Variants in PTPN14 observed in about 807,000 individuals in gnomAD.
The protein encoded by PTPN14 is protein tyrosine phosphatase non-receptor type 14, also known as tyrosine-protein phosphatase non-receptor type 14.
A neutral mutation model predicts 126.8 loss-of-function variants in PTPN14; 53 were observed. The observed-to-expected ratio is 0.42, with a 90% CI of 0.34 to 0.53. The LOEUF is 0.53. PTPN14 is among the 20% of genes least tolerant of loss of function. The pLI is 0.08. For synonymous variants in PTPN14, 630 were observed against 599.3 expected (o/e 1.05, Z -0.75); for missense variants, 1,257 against 1,552.9 (o/e 0.81, Z 3.20).
chr1:214,474,533 C>A (rs908893845), intron 1 of PTPN14, among the ~76,000 whole-genome samples: 1 of 152,168 alleles, frequency 6.6e-6, no homozygotes, highest in Admixed American at 6.5e-5. Context: ...GCATACAAAT[C>A]GGTGTCCAAA....
chr1:214,364,766 AGTGTGTGTGTGTGTGTGT>A lies in PTPN14; in HGVS notation c.3272-109_3272-92del, dbSNP rs57429060. The A allele has an allele frequency of 1.4e-5, 8 of 591,888 alleles. No individual in the cohort carries two copies. The highest frequency in any genetic ancestry group is 5.0e-4 in the Middle Eastern group (1 of 2,000). 36.7% of individuals were successfully genotyped at this position (591,888 alleles called of 1,614,324 possible). A position where few individuals can be genotyped will look rare whatever the true frequency, so the allele number is the denominator to read the frequency against. On this transcript the variant is annotated intron_variant, in intron 17 of 18. Transcript: ENST00000366956. The surrounding 1 kb of genome is among the most constrained non-coding windows in gnomAD (Gnocchi z 4.1). ...GGGGAGCGGAAGAGAACTGATGGTG[AGTGTGTGTGTGTGTGTGT>A]GTGTGTGTGTGTGTGTGTGTGTTTT...
chr1:214,368,421 A>G (rs932316911), intron 17 of PTPN14, among the ~76,000 whole-genome samples: 1 of 152,004 alleles, frequency 6.6e-6, no homozygotes, highest in Non-Finnish European at 1.5e-5. Flanking sequence ...CGCTGGTCTC[A>G]AACTCCTCAC....
intron 2 of PTPN14, among the ~76,000 whole-genome samples, chr1:214,454,113 T>C (rs1400582374): frequency 6.6e-6 from 1 of 152,210 alleles, no homozygotes; most frequent in Non-Finnish European, 1.5e-5. Context: ...CTCCATATAA[T>C]AAATTATGTA....
chr1:214,401,543 T>C, intron 7 of PTPN14, 142 bp downstream of exon 7: 1 of 688,792 alleles, frequency 1.5e-6, no homozygotes. Context: ...TTTGTTTATC[T>C]ATAATAAATT....
At position 214,384,356 on chromosome 1, in the gene PTPN14, T is replaced by C. The variant is rs746848457; in HGVS notation, c.1499A>G (p.Tyr500Cys). Residue 500 changes from tyrosine to cysteine, a missense_variant, in exon 13 of 19, where the codon TAT becomes TGT. Physicochemically the swap from Tyr to Cys is radical, Grantham distance 194. Around this residue, in one of 3 missense-constraint regions of PTPN14, gnomAD observed 1,021 missense variants for 1,183.3 expected, o/e 0.86. Transcript: ENST00000366956. The surrounding 1 kb of genome is among the most constrained non-coding windows in gnomAD (Gnocchi z 5.3). ...MRERHPYTVP[Y>C]GPQGVYSNKL... Reference sequence around the variant, plus strand: ...GTTGCTGTAGACCCCCTGTGGCCCATAAGGGACAGTGTAGGGGTGCCTCTC... The same window carrying C: ...GTTGCTGTAGACCCCCTGTGGCCCACAAGGGACAGTGTAGGGGTGCCTCTC... 1.2e-6 allele frequency: 2 copies of C among 1,613,990 alleles called. No individual in the cohort carries two copies. The highest frequency in any genetic ancestry group is 1.3e-5 in the African/African-American group (1 of 74,902).
At chr1:214,388,084 C>G (rs1256608471) in intron 11 of PTPN14, among the ~76,000 whole-genome samples, 1 of 151,958 alleles carries the variant, frequency 6.6e-6, no homozygotes, top group Admixed American at 6.6e-5. Flanking sequence ...GGAAGAGGGA[C>G]AAGTTTTCAG....
intron 1 of PTPN14, among the ~76,000 whole-genome samples, chr1:214,478,604 T>A (rs1007045403): frequency 6.6e-6 from 1 of 152,220 alleles, no homozygotes; most frequent in Non-Finnish European, 1.5e-5. Flanking sequence ...AAATACTATA[T>A]GTAAGAAAAT....
intron 13 of PTPN14, among the ~76,000 whole-genome samples, chr1:214,381,542 C>G (rs1015281905): frequency 1.3e-5 from 2 of 152,202 alleles, no homozygotes; most frequent in African/African-American, 2.4e-5. Context: ...TAGCACTACT[C>G]TAGTGGGGCT....
intron 13 of PTPN14, among the ~76,000 whole-genome samples, chr1:214,382,425 G>A (rs902297001): frequency 2.0e-5 from 3 of 152,140 alleles, no homozygotes; most frequent in Non-Finnish European, 4.4e-5. Context: ...GGGCTCAAGC[G>A]ATCCTCCCAC....
chr1:214,505,182 G>GA (rs59339685), intron 1 of PTPN14, among the ~76,000 whole-genome samples: 20,575 of 144,438 alleles, frequency 0.14, 1,543 homozygotes, highest in East Asian at 0.24. Context: ...ACCCGCCAGG[G>GA]AAAAAAAAAA....
chr1:214,409,043 T>C (rs1347359768), intron 5 of PTPN14, among the ~76,000 whole-genome samples: 2 of 152,244 alleles, frequency 1.3e-5, no homozygotes, highest in Non-Finnish European at 2.9e-5. Context: ...TATTGTGGAA[T>C]TGGCAAGTTA....
At chr1:214,520,010 T>C (rs111626971) in intron 1 of PTPN14, among the ~76,000 whole-genome samples, 5 of 134,758 alleles carry the variant, frequency 3.7e-5, no homozygotes, top group Admixed American at 2.4e-4. Context: ...ATCATGCCAC[T>C]GCACTCCAGC....
chr1:214,487,010 AC>A (rs1275352959), intron 1 of PTPN14, among the ~76,000 whole-genome samples: 1 of 151,896 alleles, frequency 6.6e-6, no homozygotes, highest in African/African-American at 2.4e-5. Flanking sequence ...TTTTCATTCT[AC>A]CACAAAATAA....
intron 18 of PTPN14, among the ~76,000 whole-genome samples, chr1:214,358,844 G>T (rs1657886301): frequency 6.6e-6 from 1 of 151,190 alleles, no homozygotes; most frequent in African/African-American, 2.4e-5. Context: ...CCAGGTTCAA[G>T]AAATACTCCT....
At chr1:214,517,983 G>C (rs2102452765) in intron 1 of PTPN14, among the ~76,000 whole-genome samples, 1 of 152,026 alleles carries the variant, frequency 6.6e-6, no homozygotes, top group East Asian at 1.9e-4. Context: ...ATAATATAAA[G>C]ACCTCTAAAG....
At chr1:214,437,595 G>C (rs1252832719) in intron 3 of PTPN14, among the ~76,000 whole-genome samples, 1 of 152,158 alleles carries the variant, frequency 6.6e-6, no homozygotes, top group Non-Finnish European at 1.5e-5. Context: ...TTCTGAAAGA[G>C]AGGAAATACA....
At chr1:214,444,870 T>C (rs1660109088) in intron 3 of PTPN14, among the ~76,000 whole-genome samples, 1 of 152,180 alleles carries the variant, frequency 6.6e-6, no homozygotes, top group African/African-American at 2.4e-5. Flanking sequence ...ACCCCCATCA[T>C]AGTTTAAAAA....
chr1:214,423,091 C>A (rs10779615), intron 3 of PTPN14, among the ~76,000 whole-genome samples: 1 of 151,366 alleles, frequency 6.6e-6, no homozygotes, highest in East Asian at 2.0e-4. Flanking sequence ...CCAGACCAGC[C>A]TGGGCAACAT....
At position 214,357,110 on chromosome 1, in the gene PTPN14, G is replaced by A. The variant is rs1194962872; in HGVS notation, c.*812C>T. ...CAGACAGGGTCCTACTGAGCAAACA[G>A]GAGAGGTAGCAACAAATACCCAAGG... is the stretch of plus-strand genomic sequence containing the variant. On this transcript the variant is annotated 3_prime_UTR_variant, in exon 19 of 19. Transcript: ENST00000366956. The A allele has an allele frequency of 6.6e-6, 1 of 152,268 alleles. No homozygotes were observed. Among genetic ancestry groups the A allele is most frequent in the Non-Finnish European group, 1.5e-5 (1 of 68,176 alleles). 9.4% of individuals were successfully genotyped at this position (152,268 alleles called of 1,614,324 possible).
Sources: gnomAD v4.1 joint callset for allele counts (sites outside exome capture counted in the v4.1 genomes callset) on GRCh38, gnomAD v4.1.1 for gene constraint, gnomAD v4.1.1 regional missense constraint, Gnocchi (gnomAD v3.1) non-coding constraint, MANE v1.5 for transcripts, NCBI Gene and HGNC (gene_info 2026-07-23, HGNC 2026-07-21) for gene names.